DIP2A: variants seen among roughly 807,000 people sequenced by gnomAD.
The protein encoded by DIP2A is disco-interacting protein 2 homolog A.
A neutral mutation model predicts 177.4 loss-of-function variants in DIP2A; 85 were observed. The observed-to-expected ratio is 0.48, with a 90% CI of 0.40 to 0.57. The LOEUF (loss-of-function observed/expected upper bound fraction) is 0.57. Ranked by LOEUF, DIP2A falls within the 20% of genes least tolerant of loss-of-function variation. The pLI is 0.00. For missense variants in DIP2A, 1,791 were observed against 2,100.2 expected, an observed-to-expected ratio of 0.85 and a Z score of 2.88; for synonymous variants, 886 against 881.8, an observed-to-expected ratio of 1.00 and a Z score of -0.08.
intron 1 of DIP2A, among the ~76,000 whole-genome samples, chr21:46,478,215 ATT>A (rs879894056): frequency 3.4e-5 from 5 of 144,972 alleles, no homozygotes; most frequent in Non-Finnish European, 4.6e-5. Flanking sequence ...ACTTTCAAGA[ATT>A]TTTTTTTTTT....
chr21:46,477,116 T>C (rs925910777), intron 1 of DIP2A, among the ~76,000 whole-genome samples: 3 of 152,192 alleles, frequency 2.0e-5, no homozygotes, highest in African/African-American at 7.2e-5. Flanking sequence ...TTCCTCTGTG[T>C]GGGCACCTCC....
Position 46,537,622 on chromosome 21 carries a change from A to C in DIP2A, c.1801+83A>C. 7.3e-7 allele frequency: 1 copy of C among 1,371,970 alleles called. No individual in the cohort carries two copies. The highest frequency in any genetic ancestry group is 1.2e-5 in the South Asian group (1 of 80,564). The allele number at this position is 1,371,970 out of a possible 1,614,324, so 85.0% of individuals were successfully genotyped here. A position where few individuals can be genotyped will look rare whatever the true frequency, so the allele number is the denominator to read the frequency against. ...ACCTTTGGTGCTTAAGAAAAAATAA[A>C]GCTGACATGTGGAACTGCAGATGTA... On this transcript the variant is annotated intron_variant, in intron 15 of 37. Coordinates refer to ENST00000417564, the MANE Select transcript of DIP2A (RefSeq NM_015151.4). The surrounding 1 kb of genome is among the most constrained non-coding windows in gnomAD (Gnocchi z 4.1).
the DIP2A span, among the ~76,000 whole-genome samples, chr21:46,575,097 C>T: frequency 1.3e-5 from 2 of 152,020 alleles, no homozygotes; most frequent in Non-Finnish European, 2.9e-5. Context: ...GTGGGGTTTA[C>T]TCCTGGAATG....
intron 5 of DIP2A, among the ~76,000 whole-genome samples, chr21:46,501,609 A>G (rs562763735): frequency 9.9e-5 from 15 of 152,092 alleles, no homozygotes; most frequent in Non-Finnish European, 1.9e-4. Context: ...TTTTGGAAAG[A>G]TGGAGTTTTT....
rs2060910208 is a variant in DIP2A, at chr21:46,569,079, A to G, written c.*1457A>G. On this transcript the variant is annotated 3_prime_UTR_variant, in exon 38 of 38. Coordinates refer to ENST00000417564, the MANE Select transcript of DIP2A (RefSeq NM_015151.4). ...CAAGCACGAATCTAAGACATAGATT[A>G]TTTTTATATAGCTAATGAAGAGTAT... is the stretch of plus-strand genomic sequence containing the variant. 6.6e-6 allele frequency: 1 copy of G among 152,226 alleles called. No individual in the cohort carries two copies. The highest frequency in any genetic ancestry group is 2.4e-5 in the African/African-American group (1 of 41,454). The allele number at this position is 152,226 out of a possible 1,614,324, so 9.4% of individuals were successfully genotyped here.
At chr21:46,491,341 C>A (rs1256757800) in intron 3 of DIP2A, among the ~76,000 whole-genome samples, 2 of 151,928 alleles carry the variant, frequency 1.3e-5, no homozygotes, top group African/African-American at 4.8e-5. Flanking sequence ...TTTTGACAGG[C>A]CTTTTTCAGA....
intron 5 of DIP2A, among the ~76,000 whole-genome samples, chr21:46,501,335 A>G (rs529817139): frequency 1.3e-5 from 2 of 152,258 alleles, no homozygotes; most frequent in South Asian, 4.1e-4. Context: ...TAAAAGCAGT[A>G]CTTTTAATTA....
rs528720305 is a variant in DIP2A at position 46,461,706 on chromosome 21, A to G, written c.91+2484A>G. Reference sequence around the variant, plus strand: ...ATGTATAGGTAAGTAAAGGTATAAGATTATGTAACATGGAGAGGAACCTCG... The same window carrying G: ...ATGTATAGGTAAGTAAAGGTATAAGGTTATGTAACATGGAGAGGAACCTCG... On this transcript the variant is annotated intron_variant, in intron 1 of 37. Coordinates refer to ENST00000417564, the MANE Select transcript of DIP2A (RefSeq NM_015151.4). Among the ~76,000 whole-genome samples the G allele has an allele frequency of 1.1e-3, 163 of 152,310 alleles. 1 individual carries two copies. The highest frequency in any genetic ancestry group is 4.1e-4 in the South Asian group (2 of 4,832).
chr21:46,550,565 T>C lies in DIP2A; in HGVS notation c.2660T>C (p.Val887Ala). 6.2e-7 allele frequency: 1 copy of C among 1,613,284 alleles called. No individual in the cohort carries two copies. Among genetic ancestry groups the C allele is most frequent in the Non-Finnish European group, 8.5e-7 (1 of 1,179,668 alleles). Residue 887 changes from valine to alanine, a missense_variant, in exon 23 of 38, where the codon GTG (valine) becomes GCG (alanine). Val to Ala is a moderately conservative substitution (Grantham distance 64, BLOSUM62 0). Coordinates refer to ENST00000417564, the MANE Select transcript of DIP2A (RefSeq NM_015151.4). The part of the protein sequence containing the change: ...VLQAIDSIHQ[V>A]GVYCLALVPA... Reference sequence around the variant, plus strand: ...CAGGCCATTGATAGCATCCACCAGGTGGGCGTGTACTGTCTGGCCCTGGTT... The same window carrying C: ...CAGGCCATTGATAGCATCCACCAGGCGGGCGTGTACTGTCTGGCCCTGGTT...
At chr21:46,521,129 C>G (rs1407264321) in intron 8 of DIP2A, among the ~76,000 whole-genome samples, 1 of 152,108 alleles carries the variant, frequency 6.6e-6, no homozygotes, top group Non-Finnish European at 1.5e-5. Context: ...TAATCTGTCT[C>G]CTTTCTTTCC....
intron 2 of DIP2A, among the ~76,000 whole-genome samples, chr21:46,489,157 T>A (rs1335419456): frequency 3.9e-5 from 6 of 152,252 alleles, no homozygotes; most frequent in Non-Finnish European, 1.5e-5. Flanking sequence ...ATGTGTATGC[T>A]CACATTTTGA....
At chr21:46,483,997 C>G (rs1433769790) in intron 1 of DIP2A, among the ~76,000 whole-genome samples, 1 of 152,128 alleles carries the variant, frequency 6.6e-6, no homozygotes, top group Non-Finnish European at 1.5e-5. Flanking sequence ...TACCTCATTC[C>G]TAGGTGGTTT....
At position 46,512,848 on chromosome 21, in the gene DIP2A, G is replaced by A. The variant is rs185903625; in HGVS notation, c.1102+1234G>A. Among the ~76,000 whole-genome samples the A allele has an allele frequency of 2.1e-4, 31 of 148,444 alleles. No homozygotes were observed. The East Asian group carries it at 6.0e-3, about 29-fold the overall frequency. On this transcript the variant is annotated intron_variant, in intron 8 of 37. Transcript: ENST00000417564. ...AAAAAAACTTTTTTTTTGTAGAAATGGGGGGTCTCCCTATGTTGCCCAGGC... is the reference window on the plus strand; with the variant it reads ...AAAAAAACTTTTTTTTTGTAGAAATAGGGGGTCTCCCTATGTTGCCCAGGC...
chr21:46,563,649 C>CT lies in DIP2A; in HGVS notation c.4090-208dup. 1 of 834,700 alleles carries CT rather than the reference C, an allele frequency of 1.2e-6. No homozygotes were observed. Among genetic ancestry groups the CT allele is most frequent in the Non-Finnish European group, 1.7e-6 (1 of 573,364 alleles). 51.7% of individuals were successfully genotyped at this position (834,700 alleles called of 1,614,324 possible). A position where few individuals can be genotyped will look rare whatever the true frequency, so the allele number is the denominator to read the frequency against. Reference sequence around the variant, plus strand: ...CAGAGACGGGATCCCTTCTCAGGAACTGGAGTCATTTTGCTTATTTCTATT... The same window carrying CT: ...CAGAGACGGGATCCCTTCTCAGGAACTTGGAGTCATTTTGCTTATTTCTATT... On this transcript the variant is annotated intron_variant, in intron 34 of 37. Coordinates refer to ENST00000417564, the MANE Select transcript of DIP2A (RefSeq NM_015151.4). The surrounding 1 kb of genome is among the most constrained non-coding windows in gnomAD (Gnocchi z 4.3).
chr21:46,581,170 C>T, the DIP2A span, among the ~76,000 whole-genome samples: 4 of 152,098 alleles, frequency 2.6e-5, no homozygotes, highest in African/African-American at 9.7e-5. Flanking sequence ...TTAATCTTGT[C>T]TGCCTGTCTT....
At chr21:46,479,301 T>C (rs1301131767) in intron 1 of DIP2A, among the ~76,000 whole-genome samples, 4 of 152,214 alleles carry the variant, frequency 2.6e-5, no homozygotes, top group African/African-American at 9.6e-5. Flanking sequence ...GTTGTTCCCA[T>C]TGGAAGAGTT....
rs2054027691 is a variant in DIP2A, at chr21:46,459,021, C to T, written c.-111C>T. ...TGTCCCGCCGCCTCCCGCTCCTCGC[C>T]TGGCGGATGTAGGTTGTTGGCCTGA... On this transcript the variant is annotated 5_prime_UTR_variant, in exon 1 of 38. Coordinates refer to ENST00000417564, the MANE Select transcript of DIP2A (RefSeq NM_015151.4). 3 of 905,784 alleles carry T rather than the reference C, an allele frequency of 3.3e-6. No individual in the cohort carries two copies. The highest frequency in any genetic ancestry group is 4.6e-6 in the Non-Finnish European group (3 of 656,896). 56.1% of individuals were successfully genotyped at this position (905,784 alleles called of 1,614,324 possible).
rs1164272567 is a variant in DIP2A, at chr21:46,497,028, C to G, written c.324C>G (p.Tyr108Ter). 1.2e-6 allele frequency: 2 copies of G among 1,613,698 alleles called. No individual in the cohort carries two copies. Among genetic ancestry groups the G allele is most frequent in the Non-Finnish European group, 1.7e-6 (2 of 1,179,828 alleles). ...TEAVQAALAKYKERKMPMPSK... is the reference protein window; with the variant it reads ...TEAVQAALAK The stretch of plus-strand genomic sequence containing the variant: ...CCGTGCAAGCAGCTTTGGCCAAATA[C>G]AAAGAGAGGAAGATGCCTATGCCTT... The change falls in exon 4 of 38, where the codon TAC (tyrosine) becomes TAG (stop). Residue 108 changes from tyrosine (Y) to a stop codon, truncating the protein, a stop_gained. Transcript: ENST00000417564. LOFTEE classifies it high-confidence loss of function.
intron 19 of DIP2A, 97 bp from the exon 20 acceptor site, chr21:46,545,784 G>T: frequency 7.2e-7 from 1 of 1,392,772 alleles, no homozygotes; most frequent in Non-Finnish European, 1.0e-6. Context: ...GCCAGCAGGC[G>T]CACACGTGGT....
Sources: allele counts gnomAD v4.1 joint callset (sites outside exome capture counted in the v4.1 genomes callset), GRCh38; gene constraint gnomAD v4.1.1; non-coding constraint Gnocchi (gnomAD v3.1); transcripts MANE v1.5; gene names NCBI Gene and HGNC (gene_info 2026-07-23, HGNC 2026-07-21).